The following WDR90 variants were observed in gnomAD, a reference collection of about 807,000 sequenced individuals.
WDR90 encodes WD repeat-containing protein 90.
Under a neutral mutation model 195.2 loss-of-function variants are expected in WDR90, and 238 were observed. That is an observed-to-expected ratio of 1.22 (90% confidence interval 1.10 to 1.36). The LOEUF (loss-of-function observed/expected upper bound fraction) is 1.36. WDR90 is among the 40% of genes most tolerant of loss of function. The pLI, the probability that WDR90 is intolerant of heterozygous loss-of-function variation, is 0.00. For synonymous variants in WDR90, 1,265 were observed against 1,052.4 expected, an observed-to-expected ratio of 1.20 and a Z score of -3.91; for missense variants, 2,734 against 2,439.5, an observed-to-expected ratio of 1.12 and a Z score of -2.54.
At chr16:661,525 C>T in intron 30 of WDR90, 24 bp downstream of exon 30, 1 of 1,570,294 alleles carries the variant, frequency 6.4e-7, no homozygotes, top group Non-Finnish European at 8.6e-7. Context: ...AGGGTGGAGG[C>T]CAGGGGCTTC....
At position 655,483 on chromosome 16, in the gene WDR90, T is replaced by A; in HGVS notation, c.1718+15T>A. The A allele has an allele frequency of 2.6e-6, 4 of 1,528,420 alleles. No homozygotes were observed. Among genetic ancestry groups the A allele is most frequent in the South Asian group, 1.3e-5 (1 of 79,128 alleles). The allele number at this position is 1,528,420 out of a possible 1,614,324, so 94.7% of individuals were successfully genotyped here. A position where few individuals can be genotyped will look rare whatever the true frequency, so the allele number is the denominator to read the frequency against. On this transcript the variant is annotated intron_variant, in intron 15 of 40. Coordinates refer to ENST00000293879, the MANE Select transcript of WDR90 (RefSeq NM_145294.5). ...GCTGCCATGCTGTGAGTCCCTGCCC[T>A]TCCCCACGGCCTGCCCCGGCATGGG...
intron 15 of WDR90, 33 bp downstream of exon 15, chr16:655,501 G>A (rs370176507): frequency 8.0e-5 from 123 of 1,534,752 alleles, no homozygotes; most frequent in Non-Finnish European, 9.9e-5. Flanking sequence ...GGCCTGCCCC[G>A]GCATGGGGGC....
intron 4 of WDR90, 34 bp downstream of exon 4, chr16:650,396 C>G (rs1343055795): frequency 1.3e-6 from 2 of 1,597,956 alleles, no homozygotes; most frequent in Admixed American, 1.7e-5. Context: ...TGATCCAGGA[C>G]AGGTGGCTGG....
chr16:650,121 C>T lies in WDR90; in HGVS notation c.233C>T (p.Pro78Leu), dbSNP rs754649685. The T allele has an allele frequency of 3.1e-6, 5 of 1,612,962 alleles. No homozygotes were observed. The highest frequency in any genetic ancestry group is 3.4e-6 in the Non-Finnish European group (4 of 1,179,978). The change falls in exon 3 of 41, where the codon CCC (proline) becomes CTC (leucine). Residue 78 changes from proline to leucine, a missense_variant. Physicochemically the swap from Pro to Leu is moderately conservative, Grantham distance 98 (BLOSUM62 -3). Coordinates refer to ENST00000293879, the MANE Select transcript of WDR90 (RefSeq NM_145294.5). Reference sequence around the variant, plus strand: ...CGATACCTGTATGTGCTCTTTCGGCCCCTGCCCAGCAAGCACTTCGTCATC... The same window carrying T: ...CGATACCTGTATGTGCTCTTTCGGCTCCTGCCCAGCAAGCACTTCGTCATC... ...TGRYLYVLFRPLPSKHFVIHL... is the reference protein window; with the variant it reads ...TGRYLYVLFRLLPSKHFVIHL...
chr16:651,772 G>A, intron 8 of WDR90, 25 bp downstream of exon 8: 2 of 1,612,824 alleles, frequency 1.2e-6, no homozygotes, highest in Non-Finnish European at 1.7e-6. Context: ...CGCCCTATGA[G>A]ATGGGGTTGG....
chr16:658,573 G>C lies in WDR90; in HGVS notation c.2815G>C (p.Asp939His). Reference protein sequence around the residue: ...EPCPSLTLSEDARFLLIAAGR... With the variant: ...EPCPSLTLSEHARFLLIAAGR... The stretch of plus-strand genomic sequence containing the variant: ...CTGCCCCTCCTTGACGCTCAGTGAG[G>C]ACGCCCGCTTCCTGCTGATTGCCGC... The change falls in exon 23 of 41, where the codon GAC becomes CAC. Residue 939 changes from aspartate (D) to histidine (H), a missense_variant. Transcript: ENST00000293879. 1.2e-6 allele frequency: 2 copies of C among 1,612,746 alleles called. No individual in the cohort carries two copies. Among genetic ancestry groups the C allele is most frequent in the Non-Finnish European group, 1.7e-6 (2 of 1,179,910 alleles).
intron 34 of WDR90, 159 bp downstream of exon 34, chr16:663,003 A>C: frequency 8.8e-7 from 1 of 1,138,568 alleles, no homozygotes; most frequent in East Asian, 2.6e-5. Flanking sequence ...TTGGGTGTGC[A>C]CGTCCCCTCA....
chr16:658,805 A>G (rs1445884237), intron 23 of WDR90, 91 bp from the exon 24 acceptor site: 1 of 1,569,902 alleles, frequency 6.4e-7, no homozygotes, highest in Non-Finnish European at 8.7e-7. Context: ...GGGGCCTCAC[A>G]CTGTGTGGGG....
In WDR90 at chr16:661,502, G is replaced by T; in HGVS notation, c.3673+1G>T. On this transcript the variant is annotated splice_donor_variant, in intron 30 of 40. Coordinates refer to ENST00000293879, the MANE Select transcript of WDR90 (RefSeq NM_145294.5). LOFTEE classifies it high-confidence loss of function. ...GATGACAGGCTTCTTGTCACACTGG[G>T]TCAGTGGGAGGGAGGGTGGAGGCCA... The T allele has an allele frequency of 1.2e-6, 2 of 1,601,026 alleles. No individual in the cohort carries two copies. The highest frequency in any genetic ancestry group is 1.7e-6 in the Non-Finnish European group (2 of 1,171,708).
chr16:657,938 G>T lies in WDR90; in HGVS notation c.2604+46G>T. 3 of 1,502,886 alleles carry T rather than the reference G, an allele frequency of 2.0e-6. No homozygotes were observed. In the African/African-American group the frequency reaches 4.2e-5, roughly 21 times the overall value. The allele number at this position is 1,502,886 out of a possible 1,614,324, so 93.1% of individuals were successfully genotyped here. A position where few individuals can be genotyped will look rare whatever the true frequency, so the allele number is the denominator to read the frequency against. On this transcript the variant is annotated intron_variant, in intron 21 of 40. Coordinates refer to ENST00000293879, the MANE Select transcript of WDR90 (RefSeq NM_145294.5). ...GGTCCAGGGAGACTGGGCCATGAGA[G>T]GCTGGCTGCAGGGGCAGGAGGGAGG...
In WDR90 at chr16:666,600, T is replaced by A. The variant is rs1596473130; in HGVS notation, c.4884+2T>A. The A allele has an allele frequency of 1.2e-6, 2 of 1,612,050 alleles. No individual in the cohort carries two copies. Among genetic ancestry groups the A allele is most frequent in the Non-Finnish European group, 1.7e-6 (2 of 1,179,668 alleles). On this transcript the variant is annotated splice_donor_variant, in intron 38 of 40. Coordinates refer to ENST00000293879, the MANE Select transcript of WDR90 (RefSeq NM_145294.5). LOFTEE classifies it high-confidence loss of function. ...TTCCCAATGCCTGCCACCACGGAGGTAAACCATGCTCCTGGCACTGTGGGT... is the reference window on the plus strand; with the variant it reads ...TTCCCAATGCCTGCCACCACGGAGGAAAACCATGCTCCTGGCACTGTGGGT...
intron 1 of WDR90, 96 bp downstream of exon 1, chr16:649,522 C>T: frequency 7.9e-7 from 1 of 1,267,276 alleles, no homozygotes; most frequent in Non-Finnish European, 1.0e-6. Flanking sequence ...CCGCCTAGGC[C>T]CTGAGGCCAG....
chr16:659,055 C>T (rs369625474), intron 24 of WDR90, 31 bp from the exon 25 acceptor site: 1,314 of 1,613,086 alleles, frequency 8.1e-4, no homozygotes, highest in Non-Finnish European at 1.1e-3. Flanking sequence ...CCCCCCAGGC[C>T]CTCCTGAAAC....
chr16:655,858 C>G lies in WDR90; in HGVS notation c.1935C>G (p.Pro645=). 1 of 1,599,048 alleles carries G rather than the reference C, an allele frequency of 6.3e-7. No homozygotes were observed. The highest frequency in any genetic ancestry group is 8.5e-7 in the Non-Finnish European group (1 of 1,175,312). ...GSEDGFLRLW[P]LDFSSVLLEA... is the part of the protein sequence containing the mutation. ...AGGACGGCTTCTTGCGGCTCTGGCC[C>G]CTGGACTTCTCCTCGGTGCTCCTGG... The change falls in exon 17 of 41, where the codon CCC becomes CCG. Residue 645 remains proline, a synonymous_variant. Transcript: ENST00000293879.
intron 5 of WDR90, 81 bp from the exon 6 acceptor site, chr16:650,914 C>G: frequency 6.5e-7 from 1 of 1,536,186 alleles, no homozygotes; most frequent in Non-Finnish European, 9.0e-7. Flanking sequence ...GGGCTGGTGG[C>G]GTGGCAGTGC....
At chr16:657,643 C>T in intron 20 of WDR90, 119 bp from the exon 21 acceptor site, 1 of 1,358,378 alleles carries the variant, frequency 7.4e-7, no homozygotes, top group Non-Finnish European at 9.7e-7. Context: ...TGTGATGCGT[C>T]TGTGCTCCGG....
At chr16:657,395 C>T (rs990460185) in intron 20 of WDR90, 174 bp downstream of exon 20, 19 of 1,086,624 alleles carry the variant, frequency 1.7e-5, no homozygotes, top group East Asian at 8.0e-5. Context: ...TGTGGTTTAG[C>T]GTTCACTGGA....
intron 13 of WDR90, chr16:654,788 G>T: frequency 5.4e-6 from 3 of 559,306 alleles, no homozygotes; most frequent in Non-Finnish European, 6.4e-6. Context: ...TTGCGGGGGG[G>T]TTTGTACTTC....
At chr16:665,547 G>A in intron 34 of WDR90, 132 bp from the exon 35 acceptor site, 3 of 1,440,668 alleles carry the variant, frequency 2.1e-6, no homozygotes, top group South Asian at 1.1e-5. Context: ...TCCGCCATGT[G>A]GAGTTGGCCG....
Sources: gnomAD v4.1 joint callset for allele counts on GRCh38, gnomAD v4.1.1 for gene constraint, MANE v1.5 for transcripts, NCBI Gene and HGNC (gene_info 2026-07-23, HGNC 2026-07-21) for gene names.